The following CNIH4 variants were observed in gnomAD, a reference collection of about 807,000 sequenced individuals.
The protein encoded by CNIH4 is cornichon family member 4, also known as protein cornichon homolog 4.
CNIH4 carries 9 observed loss-of-function variants against 21.5 expected under a neutral mutation model. The observed-to-expected ratio is 0.42, with a 90% confidence interval of 0.25 to 0.73. CNIH4 has a LOEUF of 0.73. Ranked by LOEUF, CNIH4 falls within the 30% of genes least tolerant of loss-of-function variation. The pLI is 0.27. For synonymous variants in CNIH4, 67 were observed against 59.1 expected, an observed-to-expected ratio of 1.13 and a Z score of -0.61; for missense variants, 159 against 170.0, an observed-to-expected ratio of 0.94 and a Z score of 0.36.
Position 224,378,574 on chromosome 1 carries a change from T to C in CNIH4, c.*2752T>C, listed in dbSNP as rs2102874781. ...CTGGGAACATCTGAATGCTGAGGCC[T>C]AGAGATCGTTCAGGGTGTTGTAACT... On this transcript the variant is annotated 3_prime_UTR_variant, in exon 5 of 5. Coordinates refer to ENST00000465271, the MANE Select transcript of CNIH4 (RefSeq NM_014184.4). The C allele has an allele frequency of 6.8e-6, 1 of 146,540 alleles. No individual in the cohort carries two copies. The highest frequency in any genetic ancestry group is 2.5e-5 in the African/African-American group (1 of 39,286). The allele number at this position is 146,540 out of a possible 1,614,324, so 9.1% of individuals were successfully genotyped here. A position where few individuals can be genotyped will look rare whatever the true frequency, so the allele number is the denominator to read the frequency against.
intron 4 of CNIH4, among the ~76,000 whole-genome samples, chr1:224,373,318 A>G (rs573112597): frequency 2.6e-5 from 4 of 152,284 alleles, no homozygotes; most frequent in African/African-American, 9.6e-5. Context: ...TGGCTTAGCT[A>G]AGGTTATCCT....
chr1:224,376,826 C>G lies in CNIH4; in HGVS notation c.*1004C>G. 1 of 985,346 alleles carries G rather than the reference C, an allele frequency of 1.0e-6. No homozygotes were observed. The highest frequency in any genetic ancestry group is 1.2e-6 in the Non-Finnish European group (1 of 829,908). 61.0% of individuals were successfully genotyped at this position (985,346 alleles called of 1,614,324 possible). On this transcript the variant is annotated 3_prime_UTR_variant, in exon 5 of 5. Transcript: ENST00000465271. Reference sequence around the variant, plus strand: ...TCTTGCAGGTGGGAGAGCAGTTCACCTCCTTAGCTCTGTTTGCCAGCTCTT... The same window carrying G: ...TCTTGCAGGTGGGAGAGCAGTTCACGTCCTTAGCTCTGTTTGCCAGCTCTT...
At chr1:224,372,575 GTTTGTTTTGT>G (rs926229892) in intron 4 of CNIH4, among the ~76,000 whole-genome samples, 3 of 149,496 alleles carry the variant, frequency 2.0e-5, no homozygotes, top group Non-Finnish European at 3.0e-5. Flanking sequence ...TTTTTTTTTT[GTTTGTTTTGT>G]TTTGTTTTGT....
chr1:224,368,067 A>G (rs1672517542), intron 3 of CNIH4, among the ~76,000 whole-genome samples: 1 of 152,174 alleles, frequency 6.6e-6, no homozygotes, highest in African/African-American at 2.4e-5. Context: ...GTGGTGGCCC[A>G]TGCCTATAAT....
Position 224,378,939 on chromosome 1 carries a change from T to C in CNIH4, c.*3117T>C. The C allele has an allele frequency of 1.2e-6, 1 of 856,576 alleles. No individual in the cohort carries two copies. The highest frequency in any genetic ancestry group is 2.1e-5 in the Admixed American group (1 of 48,720). The allele number at this position is 856,576 out of a possible 1,614,324, so 53.1% of individuals were successfully genotyped here. A position where few individuals can be genotyped will look rare whatever the true frequency, so the allele number is the denominator to read the frequency against. On this transcript the variant is annotated 3_prime_UTR_variant, in exon 5 of 5. Coordinates refer to ENST00000465271, the MANE Select transcript of CNIH4 (RefSeq NM_014184.4). ...GCTTAGTCCAGTGTTCTCTCTCCCTTACCACTCCTCTTCCCCTTCCCTCTA... is the reference window on the plus strand; with the variant it reads ...GCTTAGTCCAGTGTTCTCTCTCCCTCACCACTCCTCTTCCCCTTCCCTCTA...
chr1:224,367,945 T>A (rs114253595), intron 3 of CNIH4, among the ~76,000 whole-genome samples: 74 of 152,366 alleles, frequency 4.9e-4, no homozygotes, highest in African/African-American at 1.8e-3. Context: ...GTCAGTCATC[T>A]CTACTAGAAA....
chr1:224,379,080 G>A lies in CNIH4; in HGVS notation c.*3258G>A. 1 of 1,550,544 alleles carries A rather than the reference G, an allele frequency of 6.4e-7. No individual in the cohort carries two copies. The highest frequency in any genetic ancestry group is 8.7e-7 in the Non-Finnish European group (1 of 1,146,970). On this transcript the variant is annotated 3_prime_UTR_variant, in exon 5 of 5. Coordinates refer to ENST00000465271, the MANE Select transcript of CNIH4 (RefSeq NM_014184.4). ...TTCTATCCTTTCAGTGGTAGCAACT[G>A]CCCTTGCTAATCACCGTAACCTCGG... is the stretch of plus-strand genomic sequence containing the variant.
intron 4 of CNIH4, among the ~76,000 whole-genome samples, chr1:224,371,733 G>A (rs772125676): frequency 2.0e-4 from 31 of 152,104 alleles, no homozygotes; most frequent in Admixed American, 1.3e-4. Flanking sequence ...ACCTGAGGTC[G>A]GGAGTTCGAG....
intron 3 of CNIH4, 126 bp from the exon 4 acceptor site, chr1:224,371,157 A>G (rs1484270819): frequency 2.1e-5 from 20 of 961,686 alleles, no homozygotes; most frequent in Non-Finnish European, 2.7e-5. Context: ...GATTACCGGC[A>G]TGAGCCACAG....
intron 4 of CNIH4, among the ~76,000 whole-genome samples, chr1:224,371,664 A>G (rs1247403094): frequency 6.6e-6 from 1 of 152,118 alleles, no homozygotes; most frequent in Non-Finnish European, 1.5e-5. Flanking sequence ...TGCTTAAAAC[A>G]GGGCACGGTG....
In CNIH4 at chr1:224,379,004, G is replaced by A. The variant is rs1008212246; in HGVS notation, c.*3182G>A. The A allele has an allele frequency of 1.0e-5, 15 of 1,488,784 alleles. No homozygotes were observed. The highest frequency in any genetic ancestry group is 2.8e-5 in the African/African-American group (2 of 71,764). 92.2% of individuals were successfully genotyped at this position (1,488,784 alleles called of 1,614,324 possible). ...AGGGCCCGGTCCATAGACTACTATC[G>A]AGTGCTCCTATGTGCATCTTAGTAC... On this transcript the variant is annotated 3_prime_UTR_variant, in exon 5 of 5. Coordinates refer to ENST00000465271, the MANE Select transcript of CNIH4 (RefSeq NM_014184.4).
intron 4 of CNIH4, 137 bp from the exon 5 acceptor site, chr1:224,375,658 C>G: frequency 1.1e-6 from 1 of 882,670 alleles, no homozygotes; most frequent in Non-Finnish European, 1.7e-6. Flanking sequence ...TATATTCTTT[C>G]CTTTGGGTAT....
intron 3 of CNIH4, 116 bp from the exon 4 acceptor site, chr1:224,371,167 G>A (rs1672613714): frequency 9.1e-7 from 1 of 1,100,412 alleles, no homozygotes; most frequent in Non-Finnish European, 1.3e-6. Context: ...ATGAGCCACA[G>A]TACTGGGCCT....
intron 3 of CNIH4, among the ~76,000 whole-genome samples, chr1:224,369,271 A>G (rs1350329032): frequency 6.6e-6 from 1 of 152,174 alleles, no homozygotes. Context: ...CCTGTTTTAA[A>G]TTATTCCTGT....
Position 224,375,785 on chromosome 1 carries a change from C to T in CNIH4, c.393-10C>T. 6.2e-7 allele frequency: 1 copy of T among 1,613,924 alleles called. No homozygotes were observed. The highest frequency in any genetic ancestry group is 8.5e-7 in the Non-Finnish European group (1 of 1,179,884). ...AAAACATTAGTGACATTCATTTCTT[C>T]TTTCCACAGTATGATCTTAGCTTTG... On this transcript the variant is annotated splice_polypyrimidine_tract_variant and intron_variant, in intron 4 of 4. Coordinates refer to ENST00000465271, the MANE Select transcript of CNIH4 (RefSeq NM_014184.4).
intron 1 of CNIH4, chr1:224,357,269 C>T: frequency 2.8e-6 from 1 of 354,448 alleles, no homozygotes; most frequent in East Asian, 5.1e-5. Flanking sequence ...TCCGGGCGCG[C>T]CCCGTCTCGG....
intron 1 of CNIH4, among the ~76,000 whole-genome samples, chr1:224,359,926 G>A (rs1353594962): frequency 6.6e-6 from 1 of 152,182 alleles, no homozygotes; most frequent in Non-Finnish European, 1.5e-5. Flanking sequence ...GAAGCCAGGA[G>A]TTCGAGACCA....
Position 224,377,323 on chromosome 1 carries a change from C to T in CNIH4, c.*1501C>T, listed in dbSNP as rs560428439. On this transcript the variant is annotated 3_prime_UTR_variant, in exon 5 of 5. Coordinates refer to ENST00000465271, the MANE Select transcript of CNIH4 (RefSeq NM_014184.4). ...TTGCATCTCTTTTTCATACCTTTTC[C>T]CTCTGAGGCAGCTTTTGCTTAGAAA... is the stretch of plus-strand genomic sequence containing the variant. 3.3e-5 allele frequency: 5 copies of T among 152,290 alleles called. No individual in the cohort carries two copies. The South Asian group carries it at 1.0e-3, about 32-fold the overall frequency. The allele number at this position is 152,290 out of a possible 1,614,324, so 9.4% of individuals were successfully genotyped here. A position where few individuals can be genotyped will look rare whatever the true frequency, so the allele number is the denominator to read the frequency against.
In CNIH4 at chr1:224,356,954, C is replaced by G. The variant is rs748814839; in HGVS notation, c.30C>G (p.Leu10=). 6.2e-7 allele frequency: 1 copy of G among 1,612,314 alleles called. No homozygotes were observed. Among genetic ancestry groups the G allele is most frequent in the Non-Finnish European group, 8.5e-7 (1 of 1,179,336 alleles). The change falls in exon 1 of 5, where the codon CTC becomes CTG. Residue 10 remains leucine (L), a synonymous_variant. Coordinates refer to ENST00000465271, the MANE Select transcript of CNIH4 (RefSeq NM_014184.4). Reference sequence around the variant, plus strand: ...AGGCGGTGGTGTTCGTCTTCTCTCTCCTCGATTGTTGCGCGCTCATCTTCC... The same window carrying G: ...AGGCGGTGGTGTTCGTCTTCTCTCTGCTCGATTGTTGCGCGCTCATCTTCC... MEAVVFVFS[L]LDCCALIFLS... is the part of the protein sequence containing the mutation.
Sources: allele counts gnomAD v4.1 joint callset (sites outside exome capture counted in the v4.1 genomes callset), GRCh38; gene constraint gnomAD v4.1.1; transcripts MANE v1.5; gene names NCBI Gene and HGNC (gene_info 2026-07-23, HGNC 2026-07-21).